SNX5: variants seen among roughly 807,000 people sequenced by gnomAD.
SNX5 encodes the protein sorting nexin 5.
Under a neutral mutation model 53.9 loss-of-function variants are expected in SNX5, and 31 were observed. That is an observed-to-expected ratio of 0.58 (90% CI 0.43 to 0.78). The LOEUF (loss-of-function observed/expected upper bound fraction) is 0.78. SNX5 is among the 30% of genes least tolerant of loss of function. The pLI is 0.00. For missense variants in SNX5, 471 were observed against 478.8 expected, an observed-to-expected ratio of 0.98 and a Z score of 0.15; for synonymous variants, 168 against 171.1, an observed-to-expected ratio of 0.98 and a Z score of 0.14.
intron 11 of SNX5, among the ~76,000 whole-genome samples, chr20:17,946,619 C>T (rs1475619744): frequency 6.6e-6 from 1 of 152,132 alleles, no homozygotes; most frequent in East Asian, 1.9e-4. Context: ...TGACAAGTGC[C>T]AACTTGGGTA....
intron 10 of SNX5, 76 bp downstream of exon 10, chr20:17,948,814 C>A: frequency 8.7e-7 from 1 of 1,152,868 alleles, no homozygotes; most frequent in South Asian, 1.3e-5. Context: ...TTATTCTGCT[C>A]CTTTGTATAA....
chr20:17,961,499 G>A (rs1278057487), intron 1 of SNX5: 2 of 985,350 alleles, frequency 2.0e-6, no homozygotes, highest in Non-Finnish European at 2.4e-6. Flanking sequence ...GGGGCTAGTT[G>A]AACAGTCATT....
intron 11 of SNX5, chr20:17,943,449 T>C: frequency 2.3e-6 from 1 of 439,426 alleles, no homozygotes; most frequent in South Asian, 2.4e-5. Flanking sequence ...CAGCAGCTTA[T>C]GACTTGGAGA....
intron 1 of SNX5, among the ~76,000 whole-genome samples, chr20:17,967,343 CAA>C: frequency 6.8e-6 from 1 of 146,754 alleles, no homozygotes; most frequent in South Asian, 2.2e-4. Flanking sequence ...AAAGAACTTT[CAA>C]AAAAAAAACC....
At chr20:17,962,841 G>A (rs750616512) in intron 1 of SNX5, 2 of 519,148 alleles carry the variant, frequency 3.9e-6, no homozygotes, top group Admixed American at 1.9e-5. Flanking sequence ...AGACTGCAGG[G>A]CATTTTCAGG....
chr20:17,943,060 C>G (rs759661902), intron 12 of SNX5, 50 bp downstream of exon 12: 1 of 1,329,352 alleles, frequency 7.5e-7, no homozygotes, highest in South Asian at 1.2e-5. Flanking sequence ...TGGGAAATAA[C>G]TTGGAAAAAA....
intron 1 of SNX5, among the ~76,000 whole-genome samples, chr20:17,958,021 AAG>A (rs386393440): frequency 1.1e-4 from 17 of 150,636 alleles, no homozygotes; most frequent in African/African-American, 4.2e-4. Flanking sequence ...AAAAAAAAAA[AAG>A]AGAGGAGAGA....
intron 1 of SNX5, among the ~76,000 whole-genome samples, chr20:17,958,089 G>C (rs2035392176): frequency 6.6e-6 from 1 of 151,030 alleles, no homozygotes; most frequent in South Asian, 2.1e-4. Flanking sequence ...TTAAATAAAA[G>C]TACATTAAAG....
intron 1 of SNX5, among the ~76,000 whole-genome samples, chr20:17,963,259 C>A (rs1190908176): frequency 6.6e-6 from 1 of 152,030 alleles, no homozygotes; most frequent in Non-Finnish European, 1.5e-5. Context: ...GCAGGAGGAT[C>A]GCCCGCGGCC....
chr20:17,960,562 C>CCAGCCTGGG (rs2035429853), intron 1 of SNX5, among the ~76,000 whole-genome samples: 1 of 151,648 alleles, frequency 6.6e-6, no homozygotes, highest in African/African-American at 2.4e-5. Context: ...CGACTGCACT[C>CCAGCCTGGG]CAGCCTGGGC....
intron 10 of SNX5, 59 bp from the exon 11 acceptor site, chr20:17,947,704 C>A: frequency 1.4e-6 from 2 of 1,449,594 alleles, no homozygotes; most frequent in Admixed American, 2.2e-5. Context: ...AAAAAATAGC[C>A]CAAGTGCCAA....
chr20:17,962,671 C>T (rs572854155), intron 1 of SNX5: 2 of 493,062 alleles, frequency 4.1e-6, no homozygotes, highest in Non-Finnish European at 8.1e-6. Context: ...TAAAGCTACT[C>T]AGGCATCGGC....
intron 1 of SNX5, chr20:17,961,064 G>T: frequency 2.3e-6 from 2 of 884,756 alleles, no homozygotes; most frequent in Non-Finnish European, 2.7e-6. Flanking sequence ...AAAAATCGCA[G>T]TGCTTTTGGT....
At chr20:17,953,461 G>A (rs1030656186) in intron 4 of SNX5, among the ~76,000 whole-genome samples, 1 of 152,220 alleles carries the variant, frequency 6.6e-6, no homozygotes, top group Non-Finnish European at 1.5e-5. Context: ...TCTATGTGAT[G>A]GTTACTGAGA....
chr20:17,949,162 T>C, intron 8 of SNX5, 59 bp from the exon 9 acceptor site: 1 of 1,436,368 alleles, frequency 7.0e-7, no homozygotes, highest in Non-Finnish European at 9.8e-7. Flanking sequence ...AACATGATCT[T>C]ACCAGTGTGC....
At chr20:17,961,276 G>A in intron 1 of SNX5, 1 of 985,432 alleles carries the variant, frequency 1.0e-6, no homozygotes, top group Non-Finnish European at 1.2e-6. Flanking sequence ...CAGCAAAGCT[G>A]CCTCTTCAAA....
chr20:17,966,195 G>A (rs941054643), intron 1 of SNX5, among the ~76,000 whole-genome samples: 2 of 152,078 alleles, frequency 1.3e-5, no homozygotes, highest in Non-Finnish European at 2.9e-5. Flanking sequence ...ATACCAGCCT[G>A]GCCAACATGG....
intron 1 of SNX5, among the ~76,000 whole-genome samples, chr20:17,965,961 G>T (rs765609345): frequency 6.6e-6 from 1 of 151,426 alleles, no homozygotes; most frequent in African/African-American, 2.4e-5. Flanking sequence ...CTCCATTCTA[G>T]CTAATGGAGA....
chr20:17,946,205 C>T (rs556896370), intron 11 of SNX5, among the ~76,000 whole-genome samples: 38 of 152,324 alleles, frequency 2.5e-4, no homozygotes, highest in Non-Finnish European at 4.7e-4. Context: ...ATCCCTGAAA[C>T]CTGCATGTGT....
Sources: gnomAD v4.1 joint callset for allele counts (sites outside exome capture counted in the v4.1 genomes callset) on GRCh38, gnomAD v4.1.1 for gene constraint, MANE v1.5 for transcripts, NCBI Gene and HGNC (gene_info 2026-07-23, HGNC 2026-07-21) for gene names.